The following AGBL1 variants were observed in gnomAD, a reference collection of about 807,000 sequenced individuals.
AGBL1 encodes cytosolic carboxypeptidase 4.
Under a neutral mutation model 118.9 loss-of-function variants are expected in AGBL1, and 130 were observed. That is an observed-to-expected ratio of 1.09 (90% confidence interval 0.95 to 1.26). The LOEUF is 1.26. Ranked by LOEUF, AGBL1 falls within the 50% of genes most tolerant of loss-of-function variation. AGBL1 has a pLI of 0.00. For synonymous variants in AGBL1, 555 were observed against 478.9 expected (o/e 1.16, Z -2.08); for missense variants, 1,584 against 1,298.1 (o/e 1.22, Z -3.38).
chr15:86,486,403 A>T (rs2082713377), intron 18 of AGBL1, among the ~76,000 whole-genome samples: 2 of 152,130 alleles, frequency 1.3e-5, no homozygotes. Flanking sequence ...TACTTAGGCA[A>T]AAGTAATGAT....
At chr15:86,161,224 TG>T (rs772834762) in intron 5 of AGBL1, among the ~76,000 whole-genome samples, 38 of 152,318 alleles carry the variant, frequency 2.5e-4, no homozygotes, top group Non-Finnish European at 4.4e-4. Flanking sequence ...TTCAGTCAAA[TG>T]CCATATTAAA....
intron 22 of AGBL1, among the ~76,000 whole-genome samples, chr15:86,891,640 G>C (rs1380348937): frequency 6.6e-6 from 1 of 151,380 alleles, no homozygotes; most frequent in Non-Finnish European, 1.5e-5. Flanking sequence ...ATAGTAGCTT[G>C]AGCAACAGCA....
In AGBL1 at chr15:86,149,339, G is replaced by C. The variant is rs186380196; in HGVS notation, c.263-5091G>C. Among the ~76,000 whole-genome samples the C allele has an allele frequency of 9.1e-4, 139 of 152,248 alleles. 1 individual carries two copies. The highest frequency in any genetic ancestry group is 1.4e-3 in the Non-Finnish European group (96 of 68,020). On this transcript the variant is annotated intron_variant, in intron 3 of 22. Transcript: ENST00000614907. The stretch of plus-strand genomic sequence containing the variant: ...TTAAAAGACACAGACTGGCAAATTG[G>C]ATAAAGAGTCAAGATCCATCAGAGT...
At chr15:86,471,530 T>G (rs1215838815) in intron 18 of AGBL1, among the ~76,000 whole-genome samples, 1 of 151,412 alleles carries the variant, frequency 6.6e-6, no homozygotes, top group Non-Finnish European at 1.5e-5. Context: ...CTTCCTCATC[T>G]GGCTTTGCTA....
intron 18 of AGBL1, among the ~76,000 whole-genome samples, chr15:86,427,312 G>A (rs1331825419): frequency 6.6e-6 from 1 of 152,140 alleles, no homozygotes; most frequent in Non-Finnish European, 1.5e-5. Context: ...CCGAAAAACA[G>A]AAATTGCATA....
intron 14 of AGBL1, among the ~76,000 whole-genome samples, chr15:86,271,042 C>A (rs1008246654): frequency 6.2e-4 from 41 of 66,666 alleles, no homozygotes; most frequent in Non-Finnish European, 9.2e-4. Flanking sequence ...AGTCACGTTG[C>A]ATTTTTTTTT....
intron 22 of AGBL1, among the ~76,000 whole-genome samples, chr15:86,677,751 T>G (rs12148630): frequency 0.37 from 56,148 of 152,066 alleles, 12,572 homozygotes; most frequent in Non-Finnish European, 0.52. Flanking sequence ...CTACATAAAC[T>G]AGGTTTGTTT....
intron 21 of AGBL1, among the ~76,000 whole-genome samples, chr15:86,556,907 C>A (rs904644672): frequency 1.3e-5 from 2 of 152,118 alleles, no homozygotes; most frequent in African/African-American, 4.8e-5. Context: ...AATCATTTCT[C>A]CCCCAGCACA....
At chr15:86,563,227 T>A (rs973046901) in intron 21 of AGBL1, among the ~76,000 whole-genome samples, 2 of 152,170 alleles carry the variant, frequency 1.3e-5, no homozygotes, top group African/African-American at 4.8e-5. Flanking sequence ...TTCTTTCAAT[T>A]GTGATGTTAG....
intron 22 of AGBL1, among the ~76,000 whole-genome samples, chr15:86,857,210 C>G (rs1389669064): frequency 6.6e-6 from 1 of 152,200 alleles, no homozygotes; most frequent in Non-Finnish European, 1.5e-5. Flanking sequence ...TACTGTCCAA[C>G]TGGGAACCCT....
chr15:86,725,589 TGC>T (rs1355983061), intron 22 of AGBL1, among the ~76,000 whole-genome samples: 3 of 152,234 alleles, frequency 2.0e-5, no homozygotes, highest in African/African-American at 7.2e-5. Flanking sequence ...TCTGCCTGTG[TGC>T]ATGTGTGAAC....
At chr15:86,651,582 A>G (rs2085371048) in intron 21 of AGBL1, among the ~76,000 whole-genome samples, 1 of 152,182 alleles carries the variant, frequency 6.6e-6, no homozygotes, top group South Asian at 2.1e-4. Flanking sequence ...TGTTGTCAGG[A>G]TTGGAATGCC....
intron 19 of AGBL1, among the ~76,000 whole-genome samples, chr15:86,540,334 C>A (rs993358785): frequency 5.9e-5 from 9 of 152,136 alleles, no homozygotes; most frequent in African/African-American, 2.2e-4. Flanking sequence ...TGGCTCACAC[C>A]TGTAATCCTA....
At chr15:86,451,567 A>T (rs902917077) in intron 18 of AGBL1, among the ~76,000 whole-genome samples, 3 of 152,330 alleles carry the variant, frequency 2.0e-5, no homozygotes, top group Middle Eastern at 3.4e-3. Flanking sequence ...TAAAAGCTGT[A>T]TTAATTTGGG....
intron 22 of AGBL1, among the ~76,000 whole-genome samples, chr15:86,775,953 A>C (rs1002818963): frequency 3.9e-5 from 6 of 152,138 alleles, no homozygotes; most frequent in Admixed American, 1.3e-4. Flanking sequence ...GATAAATAGC[A>C]TCCTATATAC....
At chr15:86,507,018 G>T (rs2142169990) in intron 18 of AGBL1, among the ~76,000 whole-genome samples, 1 of 152,094 alleles carries the variant, frequency 6.6e-6, no homozygotes, top group East Asian at 1.9e-4. Flanking sequence ...GTGAACTGAA[G>T]ATGACATTTT....
chr15:86,807,870 A>G (rs1447344475), intron 22 of AGBL1, among the ~76,000 whole-genome samples: 2 of 152,184 alleles, frequency 1.3e-5, no homozygotes, highest in Non-Finnish European at 2.9e-5. Context: ...AAGTAAAACA[A>G]GTGTTATAGC....
intron 17 of AGBL1, among the ~76,000 whole-genome samples, chr15:86,301,644 GTGTGTGT>G (rs1567187574): frequency 0.034 from 43 of 1,264 alleles, no homozygotes; most frequent in African/African-American, 0.061. Context: ...TCTACAGGGT[GTGTGTGT>G]GTGTGTGTGT....
chr15:86,257,867 G>T, intron 8 of AGBL1, 97 bp from the exon 9 acceptor site: 1 of 1,152,064 alleles, frequency 8.7e-7, no homozygotes. Flanking sequence ...TTATTTGAGA[G>T]AGGAAGAAGA....
Sources: allele counts gnomAD v4.1 joint callset (sites outside exome capture counted in the v4.1 genomes callset), GRCh38; gene constraint gnomAD v4.1.1; transcripts MANE v1.5; gene names NCBI Gene and HGNC (gene_info 2026-07-23, HGNC 2026-07-21).